The following BAZ2B variants were observed in gnomAD, a reference collection of about 807,000 sequenced individuals.
The protein encoded by BAZ2B is bromodomain adjacent to zinc finger domain 2B.
BAZ2B carries 91 observed loss-of-function variants against 246.0 expected under a neutral mutation model. That is an observed-to-expected ratio of 0.37 (90% confidence interval 0.31 to 0.44). The LOEUF (loss-of-function observed/expected upper bound fraction) is 0.44, where lower values mean the gene tolerates loss of function less well. BAZ2B is among the 20% of genes least tolerant of loss of function. The probability of loss-of-function intolerance (pLI) is 1.00; values close to 1 mark genes in which losing one functional copy is unlikely to be tolerated. For missense variants in BAZ2B, 2,332 were observed against 2,533.7 expected (o/e 0.92, Z 1.71); for synonymous variants, 855 against 860.0 (o/e 0.99, Z 0.10).
intron 8 of BAZ2B, chr2:159,437,868 G>A (rs760451558): frequency 8.2e-5 from 13 of 158,640 alleles, no homozygotes; most frequent in Non-Finnish European, 1.5e-4. Flanking sequence ...AGTGAGCTGA[G>A]ATTGAGCCAC....
At chr2:159,485,593 C>T (rs1287295601) in intron 2 of BAZ2B, among the ~76,000 whole-genome samples, 1 of 152,046 alleles carries the variant, frequency 6.6e-6, no homozygotes, top group Non-Finnish European at 1.5e-5. Flanking sequence ...CAGCAAGTTT[C>T]AGACTCCCCT....
intron 2 of BAZ2B, among the ~76,000 whole-genome samples, chr2:159,497,429 C>T (rs747166876): frequency 8.5e-5 from 13 of 152,208 alleles, no homozygotes; most frequent in Non-Finnish European, 1.5e-4. Flanking sequence ...GCAGATAGGA[C>T]TTCCTGATGT....
At chr2:159,595,737 T>C (rs1477507545) in intron 1 of BAZ2B, among the ~76,000 whole-genome samples, 1 of 152,244 alleles carries the variant, frequency 6.6e-6, no homozygotes, top group African/African-American at 2.4e-5. Flanking sequence ...GAACTATATC[T>C]AACAAGCGGA....
At chr2:159,655,347 A>G in the BAZ2B span, among the ~76,000 whole-genome samples, 406 of 152,312 alleles carry the variant, frequency 2.7e-3, 2 homozygotes, top group African/African-American at 9.2e-3. Context: ...AGTTCCCTCC[A>G]TAAACCCACC....
At chr2:159,375,903 CTA>C (rs748777357) in intron 25 of BAZ2B, among the ~76,000 whole-genome samples, 19 of 152,108 alleles carry the variant, frequency 1.2e-4, no homozygotes, top group Non-Finnish European at 2.5e-4. Flanking sequence ...ATTAGTTATA[CTA>C]TATACTTGAT....
intron 2 of BAZ2B, among the ~76,000 whole-genome samples, chr2:159,520,682 C>T (rs1369921182): frequency 6.6e-6 from 1 of 152,124 alleles, no homozygotes; most frequent in Non-Finnish European, 1.5e-5. Flanking sequence ...TTTTACCATA[C>T]AGGTGATTTC....
intron 1 of BAZ2B, among the ~76,000 whole-genome samples, chr2:159,564,608 C>A (rs1578416445): frequency 6.6e-6 from 1 of 151,914 alleles, no homozygotes; most frequent in Admixed American, 6.6e-5. Context: ...AGAAAAAAAA[C>A]AGAATAATTA....
intron 14 of BAZ2B, 44 bp downstream of exon 14, chr2:159,412,291 C>T (rs1378757661): frequency 1.3e-6 from 2 of 1,571,848 alleles, no homozygotes; most frequent in Non-Finnish European, 1.7e-6. Flanking sequence ...TTTTAGTATA[C>T]TTTTTAGTAT....
chr2:159,559,642 T>C lies in BAZ2B; in HGVS notation c.-45-3777A>G, dbSNP rs144921507. On this transcript the variant is annotated intron_variant, in intron 1 of 36. Coordinates refer to ENST00000392783, the MANE Select transcript of BAZ2B (RefSeq NM_013450.4). ...GCATTCCTTCCTCATGGTAGCAATT[T>C]TTATACATGACTTAATAGGTACTTG... 3.1e-3 allele frequency among the ~76,000 whole-genome samples: 469 copies of C among 152,276 alleles called. 4 individuals carry two copies. Among genetic ancestry groups the C allele is most frequent in the African/African-American group, 0.011 (441 of 41,560 alleles).
At chr2:159,500,502 A>G (rs1357363752) in intron 2 of BAZ2B, among the ~76,000 whole-genome samples, 1 of 152,124 alleles carries the variant, frequency 6.6e-6, no homozygotes. Flanking sequence ...CTTTTTGCTT[A>G]TTGTATTGGC....
intron 31 of BAZ2B, among the ~76,000 whole-genome samples, chr2:159,344,496 T>C (rs2067382122): frequency 6.9e-6 from 1 of 145,122 alleles, no homozygotes; most frequent in Non-Finnish European, 1.5e-5. Context: ...ATGGCGCCAT[T>C]GAACTCCAGC....
At chr2:159,495,817 T>G (rs931610496) in intron 2 of BAZ2B, among the ~76,000 whole-genome samples, 1 of 150,790 alleles carries the variant, frequency 6.6e-6, no homozygotes, top group African/African-American at 2.4e-5. Context: ...TTGCCCAGGC[T>G]GCAGTGCAGT....
chr2:159,578,905 T>G (rs1032596526), intron 1 of BAZ2B, among the ~76,000 whole-genome samples: 1 of 152,114 alleles, frequency 6.6e-6, no homozygotes, highest in Admixed American at 6.5e-5. Flanking sequence ...TACCACCACC[T>G]CTGGGACACA....
At chr2:159,634,292 TCA>T in the BAZ2B span, among the ~76,000 whole-genome samples, 1 of 152,298 alleles carries the variant, frequency 6.6e-6, no homozygotes, top group African/African-American at 2.4e-5. Context: ...CTTTTTTGAC[TCA>T]CAAAATAATC....
intron 3 of BAZ2B, among the ~76,000 whole-genome samples, chr2:159,471,541 G>C (rs1166711801): frequency 6.6e-6 from 1 of 152,092 alleles, no homozygotes; most frequent in East Asian, 1.9e-4. Context: ...AGTGAGCTGT[G>C]ATCACACCAC....
intron 23 of BAZ2B, 115 bp from the exon 24 acceptor site, chr2:159,383,795 GATA>G: frequency 1.2e-6 from 1 of 833,048 alleles, no homozygotes; most frequent in Non-Finnish European, 1.9e-6. Flanking sequence ...AAGTAAAAAT[GATA>G]CAACTGACCT....
At chr2:159,552,087 T>A (rs969527715) in intron 2 of BAZ2B, among the ~76,000 whole-genome samples, 3 of 152,110 alleles carry the variant, frequency 2.0e-5, no homozygotes, top group Non-Finnish European at 4.4e-5. Context: ...TCCCACAAAC[T>A]CTCTAGACCT....
At chr2:159,688,684 T>A in the BAZ2B span, among the ~76,000 whole-genome samples, 1 of 152,244 alleles carries the variant, frequency 6.6e-6, no homozygotes. Flanking sequence ...TATTTTTAAT[T>A]GTCATACCTC....
the BAZ2B span, among the ~76,000 whole-genome samples, chr2:159,625,382 T>A: frequency 6.6e-6 from 1 of 152,088 alleles, no homozygotes; most frequent in Non-Finnish European, 1.5e-5. Context: ...TCATCAGATT[T>A]ACCAAGGTTG....
Sources: gnomAD v4.1 joint callset for allele counts (sites outside exome capture counted in the v4.1 genomes callset) on GRCh38, gnomAD v4.1.1 for gene constraint, MANE v1.5 for transcripts, NCBI Gene and HGNC (gene_info 2026-07-23, HGNC 2026-07-21) for gene names.